Variants in NFATC3 observed in about 807,000 individuals in gnomAD.
The protein encoded by NFATC3 is nuclear factor of activated T-cells, cytoplasmic 3.
A neutral mutation model predicts 98.6 loss-of-function variants in NFATC3; 46 were observed. The observed-to-expected ratio is 0.47, with a 90% confidence interval of 0.37 to 0.60. The LOEUF is 0.60. Ranked by LOEUF, NFATC3 falls within the 20% of genes least tolerant of loss-of-function variation. The pLI is 0.00. For synonymous variants in NFATC3, 512 were observed against 472.2 expected (o/e 1.08, Z -1.09); for missense variants, 1,256 against 1,295.5 (o/e 0.97, Z 0.47).
At chr16:68,166,346 G>A (rs989525198) in intron 4 of NFATC3, among the ~76,000 whole-genome samples, 2 of 152,158 alleles carry the variant, frequency 1.3e-5, no homozygotes, top group South Asian at 2.1e-4. Flanking sequence ...CATCCAAAAC[G>A]GCTAGGGTGG....
At chr16:68,184,498 G>C (rs774416446) in intron 8 of NFATC3, among the ~76,000 whole-genome samples, 1 of 152,122 alleles carries the variant, frequency 6.6e-6, no homozygotes, top group Non-Finnish European at 1.5e-5. Context: ...CAATCATGGA[G>C]AATGTTTGAA....
intron 6 of NFATC3, among the ~76,000 whole-genome samples, chr16:68,176,233 C>G (rs1386675057): frequency 6.6e-6 from 1 of 152,194 alleles, no homozygotes; most frequent in Non-Finnish European, 1.5e-5. Context: ...GTCTCGGCCT[C>G]CCAAAGTGCT....
chr16:68,088,346 T>C (rs2034503663), intron 1 of NFATC3, among the ~76,000 whole-genome samples: 1 of 147,188 alleles, frequency 6.8e-6, no homozygotes, highest in African/African-American at 2.5e-5. Context: ...ATATAACATA[T>C]ATTATATATA....
chr16:68,191,563 C>T lies in NFATC3; in HGVS notation c.2894C>T (p.Pro965Leu). ...TCAGGAACTGCCTCATCACCGTCTC[C>T]AGCCACCAGAATGCATTCTGGACAG... is the stretch of plus-strand genomic sequence containing the variant. ...PSSGTASSPS[P>L]ATRMHSGQHS... is the part of the protein sequence containing the mutation. The change falls in exon 9 of 10, where the codon CCA becomes CTA. Residue 965 changes from proline to leucine, a missense_variant. By Grantham distance (98) the Pro-to-Leu change is moderately conservative. Transcript: ENST00000346183. The T allele has an allele frequency of 1.9e-6, 3 of 1,614,172 alleles. No homozygotes were observed. In the East Asian group the frequency reaches 6.7e-5, roughly 36 times the overall value.
intron 9 of NFATC3, chr16:68,221,265 G>A: frequency 1.2e-6 from 2 of 1,614,088 alleles, no homozygotes; most frequent in South Asian, 1.1e-5. Flanking sequence ...CCAGCAGGAA[G>A]ATATCTGAGG....
intron 1 of NFATC3, among the ~76,000 whole-genome samples, chr16:68,094,976 G>A (rs116773894): frequency 6.6e-6 from 1 of 152,122 alleles, no homozygotes; most frequent in African/African-American, 2.4e-5. Context: ...ATTAGTTACT[G>A]GTAAAGATGA....
chr16:68,158,323 C>T (rs2151576576), intron 4 of NFATC3, among the ~76,000 whole-genome samples: 1 of 152,220 alleles, frequency 6.6e-6, no homozygotes, highest in Admixed American at 6.5e-5. Flanking sequence ...TGTATCTGGA[C>T]TTTCATCAAA....
intron 9 of NFATC3, among the ~76,000 whole-genome samples, chr16:68,223,894 CAAAA>C (rs1190287100): frequency 3.4e-5 from 2 of 58,328 alleles, no homozygotes; most frequent in African/African-American, 1.3e-4. Flanking sequence ...GACTCCATCT[CAAAA>C]AAAAAAAAAA....
chr16:68,142,131 T>A (rs947599706), intron 3 of NFATC3, among the ~76,000 whole-genome samples: 1 of 152,218 alleles, frequency 6.6e-6, no homozygotes, highest in Non-Finnish European at 1.5e-5. Flanking sequence ...TTGGCTTTTT[T>A]CCTAGGTTGT....
chr16:68,212,785 C>CTTTTTTTTTTTTT (rs534732425), intron 9 of NFATC3: 10 of 106,934 alleles, frequency 9.4e-5, no homozygotes, highest in African/African-American at 1.1e-4. Context: ...ATTTCTTTCT[C>CTTTTTTTTTTTTT]TTTTTTTTTT....
chr16:68,226,029 TA>T (rs901032854), intron 9 of NFATC3: 2 of 187,822 alleles, frequency 1.1e-5, no homozygotes, highest in Non-Finnish European at 2.2e-5. Flanking sequence ...TTGTAGAAAA[TA>T]AAAACTTTCT....
chr16:68,207,003 A>AT (rs1210504573), intron 9 of NFATC3, among the ~76,000 whole-genome samples: 19 of 147,522 alleles, frequency 1.3e-4, no homozygotes, highest in African/African-American at 4.5e-4. Context: ...ACGCATACAT[A>AT]TTAAAAAAAA....
intron 9 of NFATC3, among the ~76,000 whole-genome samples, chr16:68,223,327 A>G (rs1346933808): frequency 3.3e-5 from 5 of 152,132 alleles, no homozygotes; most frequent in Non-Finnish European, 7.4e-5. Flanking sequence ...GTTAGAGATC[A>G]GCTTTGGCAA....
intron 9 of NFATC3, among the ~76,000 whole-genome samples, chr16:68,223,789 G>C (rs2041947530): frequency 6.7e-6 from 1 of 150,002 alleles, no homozygotes; most frequent in African/African-American, 2.5e-5. Flanking sequence ...TAGCTACTTG[G>C]GAGGCTGAGG....
chr16:68,159,303 G>A (rs753127596), intron 4 of NFATC3, among the ~76,000 whole-genome samples: 10 of 151,942 alleles, frequency 6.6e-5, no homozygotes, highest in Non-Finnish European at 1.3e-4. Context: ...AGGATATTGA[G>A]TAGGCAGGCA....
At position 68,174,438 on chromosome 16, in the gene NFATC3, T is replaced by G; in HGVS notation, c.1839T>G (p.Asn613Lys). ...EKYSINSCSVNGGHEMVVTGS... is the reference protein window; with the variant it reads ...EKYSINSCSVKGGHEMVVTGS... ...ACAGTATCAACAGTTGTTCTGTAAA[T>G]GGAGGTCATGAAATGGTTGTGACTG... Residue 613 changes from asparagine to lysine, a missense_variant, in exon 6 of 10, where the codon AAT (asparagine) becomes AAG (lysine). Around this residue, in one of 3 missense-constraint regions of NFATC3, gnomAD observed 636 missense variants for 617.3 expected, o/e 1.03. Transcript: ENST00000346183. The G allele has an allele frequency of 6.2e-7, 1 of 1,607,078 alleles. No homozygotes were observed.
chr16:68,085,897 TGTGC>T, intron 1 of NFATC3, 113 bp downstream of exon 1: 3 of 772,850 alleles, frequency 3.9e-6, no homozygotes, highest in South Asian at 2.3e-5. Flanking sequence ...TGTGTGTGTG[TGTGC>T]GCGCGCGTGT....
Position 68,228,517 on chromosome 16 carries a change from T to C in NFATC3, c.*2046T>C, listed in dbSNP as rs929042403. 5 of 152,634 alleles carry C rather than the reference T, an allele frequency of 3.3e-5. No homozygotes were observed. Among genetic ancestry groups the C allele is most frequent in the African/African-American group, 4.8e-5 (2 of 41,462 alleles). The allele number at this position is 152,634 out of a possible 1,614,324, so 9.5% of individuals were successfully genotyped here. On this transcript the variant is annotated 3_prime_UTR_variant, in exon 10 of 10. Transcript: ENST00000346183. ...TGCTATGCACCAAATTTTGATGCCT[T>C]CTAAATACCTTGATGCCTGTAGCAC...
chr16:68,197,050 T>C (rs2040707420), intron 9 of NFATC3, among the ~76,000 whole-genome samples: 1 of 151,792 alleles, frequency 6.6e-6, no homozygotes, highest in African/African-American at 2.4e-5. Context: ...AATAAATAAA[T>C]AAATAAATAA....
Sources: allele counts gnomAD v4.1 joint callset (sites outside exome capture counted in the v4.1 genomes callset), GRCh38; gene constraint gnomAD v4.1.1; regional missense constraint gnomAD v4.1.1; transcripts MANE v1.5; gene names NCBI Gene and HGNC (gene_info 2026-07-23, HGNC 2026-07-21).